CLIP2: variants seen among roughly 807,000 people sequenced by gnomAD.
CLIP2 encodes the protein CAP-Gly domain-containing linker protein 2.
Under a neutral mutation model 111.7 loss-of-function variants are expected in CLIP2, and 41 were observed. The ratio of observed to expected loss-of-function variants is 0.37; its 90% CI spans 0.29 to 0.48. The LOEUF (loss-of-function observed/expected upper bound fraction) is 0.48, where lower values mean the gene tolerates loss of function less well. Ranked by LOEUF, CLIP2 falls within the 20% of genes least tolerant of loss-of-function variation. CLIP2 has a pLI of 0.99. For missense variants in CLIP2, 1,160 were observed against 1,422.1 expected (o/e 0.82, Z 2.96); for synonymous variants, 660 against 644.2 (o/e 1.02, Z -0.37).
At chr7:74,352,645 C>T (rs1416473414) in intron 3 of CLIP2, among the ~76,000 whole-genome samples, 7 of 150,130 alleles carry the variant, frequency 4.7e-5, no homozygotes, top group South Asian at 4.3e-4. Context: ...TGGTGGCGCG[C>T]ACCTGTAGTC....
chr7:74,340,688 G>C (rs949665117), intron 3 of CLIP2, among the ~76,000 whole-genome samples: 1 of 152,126 alleles, frequency 6.6e-6, no homozygotes, highest in Admixed American at 6.6e-5. Flanking sequence ...TTGCTGTCCA[G>C]CCAGGCTGTG....
At chr7:74,387,740 C>T (rs1433338890) in intron 12 of CLIP2, among the ~76,000 whole-genome samples, 2 of 152,190 alleles carry the variant, frequency 1.3e-5, no homozygotes, top group African/African-American at 4.8e-5. Flanking sequence ...CTAATCCAGG[C>T]GACAGTGTAA....
chr7:74,350,696 C>G (rs1789959110), intron 3 of CLIP2, among the ~76,000 whole-genome samples: 1 of 151,900 alleles, frequency 6.6e-6, no homozygotes, highest in Non-Finnish European at 1.5e-5. Context: ...GAGCTCTCAT[C>G]TCTACTAGAA....
chr7:74,401,219 G>A (rs138371354), intron 15 of CLIP2, among the ~76,000 whole-genome samples: 209 of 152,100 alleles, frequency 1.4e-3, no homozygotes, highest in Middle Eastern at 3.4e-3. Flanking sequence ...GATCTAAAGC[G>A]GGAGGCAGCT....
intron 2 of CLIP2, among the ~76,000 whole-genome samples, chr7:74,319,650 T>A (rs1328385244): frequency 6.6e-6 from 1 of 151,276 alleles, no homozygotes; most frequent in African/African-American, 2.4e-5. Context: ...AGACCCCAGC[T>A]CTACAAAAAA....
chr7:74,372,821 C>G, intron 8 of CLIP2, 111 bp from the exon 9 acceptor site: 1 of 684,768 alleles, frequency 1.5e-6, no homozygotes, highest in Non-Finnish European at 2.5e-6. Context: ...AAGATGACGC[C>G]TCCTCTCTCT....
At chr7:74,331,562 CTTT>C (rs1213774851) in intron 2 of CLIP2, among the ~76,000 whole-genome samples, 2 of 120,670 alleles carry the variant, frequency 1.7e-5, no homozygotes, top group South Asian at 2.6e-4. Flanking sequence ...TTCTTTCTTT[CTTT>C]TTTTTTTTTT....
At chr7:74,323,906 G>T (rs1350087565) in intron 2 of CLIP2, among the ~76,000 whole-genome samples, 1 of 152,178 alleles carries the variant, frequency 6.6e-6, no homozygotes, top group Non-Finnish European at 1.5e-5. Flanking sequence ...GCCTAATGAT[G>T]CATTTCTCAG....
At position 74,399,791 on chromosome 7, in the gene CLIP2, C is replaced by T. The variant is rs545232538; in HGVS notation, c.2881-579C>T. On this transcript the variant is annotated intron_variant, in intron 14 of 16. Transcript: ENST00000223398. Reference sequence around the variant, plus strand: ...CTGACCTCAGGTGATCTGCCTGCCTCGGCCTCCCAAAGTGCTGGGATTACA... The same window carrying T: ...CTGACCTCAGGTGATCTGCCTGCCTTGGCCTCCCAAAGTGCTGGGATTACA... Among the ~76,000 whole-genome samples the T allele has an allele frequency of 2.0e-5, 3 of 151,948 alleles. No individual in the cohort carries two copies. In the South Asian group the frequency reaches 6.3e-4, roughly 32 times the overall value.
chr7:74,331,663 T>A (rs1254605838), intron 2 of CLIP2, among the ~76,000 whole-genome samples: 1 of 140,262 alleles, frequency 7.1e-6, no homozygotes, highest in Non-Finnish European at 1.5e-5. Flanking sequence ...AGCCTCTGCC[T>A]CCTGGGTCCA....
chr7:74,400,282 G>A (rs1791581935), intron 14 of CLIP2, 88 bp from the exon 15 acceptor site: 22 of 1,193,736 alleles, frequency 1.8e-5, no homozygotes, highest in Non-Finnish European at 2.6e-5. Context: ...ACAAAGTGAG[G>A]CTGGAAGACT....
chr7:74,365,798 A>T (rs1188283563), intron 8 of CLIP2, among the ~76,000 whole-genome samples: 1 of 152,034 alleles, frequency 6.6e-6, no homozygotes, highest in Non-Finnish European at 1.5e-5. Flanking sequence ...TCTGTTGCCC[A>T]GGCTGGAGTA....
At chr7:74,307,372 C>A (rs531077467) in intron 1 of CLIP2, among the ~76,000 whole-genome samples, 3 of 152,320 alleles carry the variant, frequency 2.0e-5, no homozygotes, top group South Asian at 2.1e-4. Flanking sequence ...GACTTTGAGT[C>A]CCCGAACTTC....
intron 13 of CLIP2, among the ~76,000 whole-genome samples, chr7:74,394,904 C>T (rs566037570): frequency 8.5e-4 from 130 of 152,292 alleles, no homozygotes; most frequent in Non-Finnish European, 1.5e-3. Context: ...CTGGTCTCAC[C>T]TTCTCCGAGG....
chr7:74,360,275 G>A lies in CLIP2; in HGVS notation c.1316G>A (p.Arg439Lys), dbSNP rs1554309479. The A allele has an allele frequency of 6.3e-7, 1 of 1,593,422 alleles. No individual in the cohort carries two copies. The highest frequency in any genetic ancestry group is 1.8e-5 in the Admixed American group (1 of 56,816). Residue 439 changes from arginine to lysine, a missense_variant, in exon 7 of 17, where the codon AGG (arginine) becomes AAG (lysine). Arg to Lys is a conservative substitution (Grantham distance 26, BLOSUM62 2). Transcript: ENST00000223398. ...CTGTCCAACCAGCTGGAGGAGGAGA[G>A]GAGGTACGTGCTGGCCCACCCTCGC... ...VDLSNQLEEE[R>K]RKVEDLQFRV...
chr7:74,344,563 ATTAT>A (rs1323856048), intron 3 of CLIP2, among the ~76,000 whole-genome samples: 13 of 151,432 alleles, frequency 8.6e-5, no homozygotes, highest in Admixed American at 7.9e-4. Flanking sequence ...TTTAATTTTT[ATTAT>A]TTATTTATTT....
intron 1 of CLIP2, among the ~76,000 whole-genome samples, chr7:74,311,290 CTT>C (rs1554728485): frequency 6.6e-6 from 1 of 152,120 alleles, no homozygotes. Flanking sequence ...CTATTTTTAA[CTT>C]TTTAAGAAAC....
In CLIP2 at chr7:74,356,600, G is replaced by C. The variant is rs1429454503; in HGVS notation, c.994G>C (p.Gly332Arg). The C allele has an allele frequency of 6.2e-7, 1 of 1,613,848 alleles. No homozygotes were observed. The highest frequency in any genetic ancestry group is 1.3e-5 in the African/African-American group (1 of 74,934). The part of the protein sequence containing the change: ...SVSSVASSVG[G>R]RPSRSGLLTE... ...CAGCTCTGTGGCCTCCTCCGTGGGG[G>C]GTCGGCCCAGCCGCAGTGGCCTGGT... Residue 332 changes from glycine to arginine, a missense_variant, in exon 5 of 17, where the codon GGT becomes CGT. Around this residue, in one of 5 missense-constraint regions of CLIP2, gnomAD observed 110 missense variants for 185.2 expected, o/e 0.59. Coordinates refer to ENST00000223398, the MANE Select transcript of CLIP2 (RefSeq NM_003388.5).
At chr7:74,307,313 G>C (rs1788520081) in intron 1 of CLIP2, among the ~76,000 whole-genome samples, 1 of 152,164 alleles carries the variant, frequency 6.6e-6, no homozygotes, top group African/African-American at 2.4e-5. Flanking sequence ...GGGAGGTAGG[G>C]AAGGGCCAGA....
Sources: gnomAD v4.1 joint callset for allele counts (sites outside exome capture counted in the v4.1 genomes callset) on GRCh38, gnomAD v4.1.1 for gene constraint, gnomAD v4.1.1 regional missense constraint, MANE v1.5 for transcripts, NCBI Gene and HGNC (gene_info 2026-07-23, HGNC 2026-07-21) for gene names.